Variants in BCKDHB observed in about 807,000 individuals in gnomAD.
The protein encoded by BCKDHB is 2-oxoisovalerate dehydrogenase subunit beta, mitochondrial.
BCKDHB carries 41 observed loss-of-function variants against 48.5 expected under a neutral mutation model. The observed-to-expected ratio is 0.85, with a 90% CI of 0.66 to 1.10. BCKDHB has a LOEUF of 1.10. Among genes scored for constraint, BCKDHB ranks in the 50% least tolerant of loss-of-function variants. BCKDHB has a pLI of 0.00. For synonymous variants in BCKDHB, 201 were observed against 174.8 expected, an observed-to-expected ratio of 1.15 and a Z score of -1.18; for missense variants, 496 against 494.2, an observed-to-expected ratio of 1.00 and a Z score of -0.03.
the BCKDHB span, among the ~76,000 whole-genome samples, chr6:80,430,738 C>G: frequency 6.6e-6 from 1 of 152,104 alleles, no homozygotes; most frequent in Non-Finnish European, 1.5e-5. Flanking sequence ...CGCTAGCAGT[C>G]TATCTATTTT....
At chr6:80,356,696 A>G in the BCKDHB span, 1 of 152,220 alleles carries the variant, frequency 6.6e-6, no homozygotes, top group South Asian at 2.1e-4. Context: ...AAAGTAATAA[A>G]ATATTTACTA....
intron 1 of BCKDHB, among the ~76,000 whole-genome samples, chr6:80,115,372 T>C (rs1769633739): frequency 6.6e-6 from 1 of 152,152 alleles, no homozygotes; most frequent in African/African-American, 2.4e-5. Flanking sequence ...CTCAGTCTTA[T>C]TTTATGAAGT....
At chr6:80,263,093 T>C (rs2127952786) in intron 8 of BCKDHB, among the ~76,000 whole-genome samples, 1 of 152,326 alleles carries the variant, frequency 6.6e-6, no homozygotes, top group Middle Eastern at 3.4e-3. Context: ...CTATTATTAT[T>C]GTATCTTCTC....
chr6:80,398,760 A>T, the BCKDHB span, among the ~76,000 whole-genome samples: 2 of 152,130 alleles, frequency 1.3e-5, no homozygotes, highest in Non-Finnish European at 2.9e-5. Context: ...AATTATCTTG[A>T]TACCAAAACC....
chr6:80,229,996 C>G (rs1391149874), intron 8 of BCKDHB, among the ~76,000 whole-genome samples: 1 of 148,376 alleles, frequency 6.7e-6, no homozygotes, highest in African/African-American at 2.5e-5. Context: ...AATACAACCC[C>G]AATTTGAATT....
chr6:80,362,474 G>T, the BCKDHB span, among the ~76,000 whole-genome samples: 2 of 152,118 alleles, frequency 1.3e-5, no homozygotes, highest in African/African-American at 4.8e-5. Context: ...TAACCAGACA[G>T]CAAGCCACCC....
intron 6 of BCKDHB, among the ~76,000 whole-genome samples, chr6:80,195,758 A>G (rs1053907675): frequency 3.9e-5 from 6 of 152,146 alleles, no homozygotes; most frequent in African/African-American, 1.4e-4. Flanking sequence ...ACAGAGACAA[A>G]GCCAGAATTG....
At chr6:80,327,227 C>T (rs1769075906) in intron 9 of BCKDHB, among the ~76,000 whole-genome samples, 1 of 152,122 alleles carries the variant, frequency 6.6e-6, no homozygotes, top group Non-Finnish European at 1.5e-5. Flanking sequence ...GCCTTGTATG[C>T]TTTAAGTGTG....
At chr6:80,264,941 C>A (rs1777452185) in intron 8 of BCKDHB, among the ~76,000 whole-genome samples, 2 of 152,040 alleles carry the variant, frequency 1.3e-5, no homozygotes, top group Admixed American at 6.6e-5. Flanking sequence ...TGCCAGTGGC[C>A]ATTAAGCACC....
At chr6:80,437,829 A>C in the BCKDHB span, among the ~76,000 whole-genome samples, 1 of 152,298 alleles carries the variant, frequency 6.6e-6, no homozygotes, top group East Asian at 1.9e-4. Flanking sequence ...TGAGTCAAGG[A>C]GTCATGGGAT....
chr6:80,431,217 G>C, the BCKDHB span, among the ~76,000 whole-genome samples: 1 of 152,144 alleles, frequency 6.6e-6, no homozygotes, highest in Non-Finnish European at 1.5e-5. Context: ...TTTTGCATTT[G>C]CTGAGGAGTG....
At chr6:80,286,362 A>G (rs1273546690) in intron 9 of BCKDHB, among the ~76,000 whole-genome samples, 11 of 152,190 alleles carry the variant, frequency 7.2e-5, no homozygotes. Flanking sequence ...AAGTACTTAA[A>G]CATTCATTTG....
At chr6:80,177,036 GC>G (rs886185621) in intron 6 of BCKDHB, among the ~76,000 whole-genome samples, 3 of 151,450 alleles carry the variant, frequency 2.0e-5, no homozygotes, top group Admixed American at 1.3e-4. Flanking sequence ...ACCAGCCTGG[GC>G]AATATGGTAA....
At chr6:80,330,073 G>A (rs932776903) in intron 9 of BCKDHB, among the ~76,000 whole-genome samples, 3 of 150,752 alleles carry the variant, frequency 2.0e-5, no homozygotes, top group Non-Finnish European at 4.4e-5. Flanking sequence ...GAAAACAAGA[G>A]TTTTAGAAGA....
At chr6:80,211,538 C>T (rs1774933896) in intron 8 of BCKDHB, among the ~76,000 whole-genome samples, 1 of 152,104 alleles carries the variant, frequency 6.6e-6, no homozygotes, top group African/African-American at 2.4e-5. Flanking sequence ...ATATCATGTT[C>T]CTTCTAGTTT....
At chr6:80,430,255 G>T in the BCKDHB span, among the ~76,000 whole-genome samples, 7 of 152,184 alleles carry the variant, frequency 4.6e-5, no homozygotes, top group Non-Finnish European at 1.0e-4. Flanking sequence ...TCTGCTGCAG[G>T]ATTCAGTTTC....
chr6:80,223,980 G>A (rs1157110976), intron 8 of BCKDHB, among the ~76,000 whole-genome samples: 2 of 152,112 alleles, frequency 1.3e-5, no homozygotes, highest in Admixed American at 6.6e-5. Flanking sequence ...TTTTTAATTA[G>A]TCCCTCTAGG....
chr6:80,325,926 G>A (rs1485194593), intron 9 of BCKDHB, among the ~76,000 whole-genome samples: 2 of 152,072 alleles, frequency 1.3e-5, no homozygotes, highest in Non-Finnish European at 2.9e-5. Context: ...CGCAGCCAAG[G>A]GATACTAAGG....
At chr6:80,446,481 C>G in the BCKDHB span, among the ~76,000 whole-genome samples, 1 of 152,160 alleles carries the variant, frequency 6.6e-6, no homozygotes, top group Admixed American at 6.5e-5. Flanking sequence ...GAGAACTGCT[C>G]AGTCCAATAG....
Sources: allele counts gnomAD v4.1 joint callset (sites outside exome capture counted in the v4.1 genomes callset), GRCh38; gene constraint gnomAD v4.1.1; transcripts MANE v1.5; gene names NCBI Gene and HGNC (gene_info 2026-07-23, HGNC 2026-07-21).